The following TNFRSF8 variants were observed in gnomAD, a reference collection of about 807,000 sequenced individuals.
TNFRSF8 encodes the protein TNF receptor superfamily member 8.
TNFRSF8 carries 26 observed loss-of-function variants against 70.8 expected under a neutral mutation model. The ratio of observed to expected loss-of-function variants is 0.37; its 90% CI spans 0.27 to 0.51. The LOEUF (loss-of-function observed/expected upper bound fraction) is 0.51, where lower values mean the gene tolerates loss of function less well. Among genes scored for constraint, TNFRSF8 ranks in the 20% least tolerant of loss-of-function variants. The pLI, the probability that TNFRSF8 is intolerant of heterozygous loss-of-function variation, is 0.94. For missense variants in TNFRSF8, 720 were observed against 807.9 expected, an observed-to-expected ratio of 0.89 and a Z score of 1.32; for synonymous variants, 356 against 339.2, an observed-to-expected ratio of 1.05 and a Z score of -0.54.
At chr1:12,135,081 C>G (rs1303526677) in intron 12 of TNFRSF8, among the ~76,000 whole-genome samples, 2 of 151,926 alleles carry the variant, frequency 1.3e-5, no homozygotes, top group Non-Finnish European at 2.9e-5. Context: ...TTTGCAAGGC[C>G]AAGGCGGGCA....
chr1:12,111,349 T>G (rs1007409382), intron 6 of TNFRSF8, among the ~76,000 whole-genome samples: 6 of 151,964 alleles, frequency 3.9e-5, no homozygotes, highest in Non-Finnish European at 7.4e-5. Context: ...ATTTGGCTAC[T>G]TTTCTTTTTT....
intron 10 of TNFRSF8, among the ~76,000 whole-genome samples, chr1:12,124,484 C>G (rs560711762): frequency 2.0e-5 from 3 of 152,120 alleles, no homozygotes; most frequent in African/African-American, 7.2e-5. Flanking sequence ...TGGCAGAGAC[C>G]GTGCAGGGTT....
chr1:12,072,190 G>T (rs977294165), intron 1 of TNFRSF8, among the ~76,000 whole-genome samples: 2 of 152,182 alleles, frequency 1.3e-5, no homozygotes, highest in Non-Finnish European at 2.9e-5. Context: ...GAGTTAATAT[G>T]TGTCAAGTGC....
chr1:12,115,359 G>A (rs972821828), intron 7 of TNFRSF8, among the ~76,000 whole-genome samples: 1 of 152,146 alleles, frequency 6.6e-6, no homozygotes, highest in South Asian at 2.1e-4. Flanking sequence ...ATGTAAATGC[G>A]ACATACAGAA....
Position 12,088,652 on chromosome 1 carries a change from C to T in TNFRSF8, c.151+4101C>T, listed in dbSNP as rs1641194914. On this transcript the variant is annotated intron_variant, in intron 2 of 14. Coordinates refer to ENST00000263932, the MANE Select transcript of TNFRSF8 (RefSeq NM_001243.5). This position sits in a 1 kb window ranked among gnomAD's most constrained non-coding sequence, Gnocchi z 4.0. Reference sequence around the variant, plus strand: ...CTCTCCTGCAGATGTTTGAGGCCTGCCCAGGTTCAGGGGAAGGATGTGAGG... The same window carrying T: ...CTCTCCTGCAGATGTTTGAGGCCTGTCCAGGTTCAGGGGAAGGATGTGAGG... 6.6e-6 allele frequency among the ~76,000 whole-genome samples: 1 copy of T among 152,232 alleles called. No homozygotes were observed. The highest frequency in any genetic ancestry group is 1.5e-5 in the Non-Finnish European group (1 of 68,044).
intron 1 of TNFRSF8, among the ~76,000 whole-genome samples, chr1:12,071,256 TG>T (rs1245872246): frequency 1.3e-5 from 2 of 152,120 alleles, no homozygotes; most frequent in Non-Finnish European, 2.9e-5. Flanking sequence ...CTGGCCAACA[TG>T]GCGAAACCCT....
rs908364338 is a variant in TNFRSF8 at position 12,144,192 on chromosome 1, C to G, written c.*1661C>G. 1 of 152,248 alleles carries G rather than the reference C, an allele frequency of 6.6e-6. No homozygotes were observed. Among genetic ancestry groups the G allele is most frequent in the Non-Finnish European group, 1.5e-5 (1 of 68,052 alleles). The allele number at this position is 152,248 out of a possible 1,614,324, so 9.4% of individuals were successfully genotyped here. On this transcript the variant is annotated 3_prime_UTR_variant, in exon 15 of 15. Coordinates refer to ENST00000263932, the MANE Select transcript of TNFRSF8 (RefSeq NM_001243.5). ...TTGAATCTCTAAAAATCCATAAAAT[C>G]CTTAAAGAACTGTAAGGCTGAGGAC...
At position 12,142,015 on chromosome 1, in the gene TNFRSF8, G is replaced by A. The variant is rs1642261905; in HGVS notation, c.1544-272G>A. 1.3e-5 allele frequency among the ~76,000 whole-genome samples: 2 copies of A among 152,192 alleles called. No homozygotes were observed. Among genetic ancestry groups the A allele is most frequent in the Non-Finnish European group, 1.5e-5 (1 of 68,038 alleles). On this transcript the variant is annotated intron_variant, in intron 14 of 14. Transcript: ENST00000263932. This position sits in a 1 kb window ranked among gnomAD's most constrained non-coding sequence, Gnocchi z 5.0. Reference sequence around the variant, plus strand: ...CACAGTTTGCTTTCTGTCCCACCCTGTCCTCTTCTTCCCTACCCATCCGCA... The same window carrying A: ...CACAGTTTGCTTTCTGTCCCACCCTATCCTCTTCTTCCCTACCCATCCGCA...
intron 4 of TNFRSF8, among the ~76,000 whole-genome samples, chr1:12,107,566 A>G (rs898453992): frequency 1.9e-5 from 2 of 107,214 alleles, no homozygotes; most frequent in Non-Finnish European, 3.5e-5. Flanking sequence ...TACTGGGTTA[A>G]ATAATGAAAA....
chr1:12,122,209 A>G (rs1339711923), intron 8 of TNFRSF8, among the ~76,000 whole-genome samples: 1 of 152,018 alleles, frequency 6.6e-6, no homozygotes, highest in Non-Finnish European at 1.5e-5. Flanking sequence ...TTACTTATTA[A>G]AAATAGAGAC....
At chr1:12,070,061 C>T (rs1049550164) in intron 1 of TNFRSF8, among the ~76,000 whole-genome samples, 1 of 151,552 alleles carries the variant, frequency 6.6e-6, no homozygotes, top group Admixed American at 6.6e-5. Flanking sequence ...GGTGGTAGAT[C>T]GTGCAGACCT....
At chr1:12,078,529 A>G (rs897470768) in intron 1 of TNFRSF8, among the ~76,000 whole-genome samples, 3 of 152,266 alleles carry the variant, frequency 2.0e-5, no homozygotes, top group East Asian at 3.9e-4. Flanking sequence ...GCACCACTGC[A>G]CTCCAGCTTG....
At chr1:12,071,083 T>C (rs1455803846) in intron 1 of TNFRSF8, among the ~76,000 whole-genome samples, 2 of 152,234 alleles carry the variant, frequency 1.3e-5, no homozygotes, top group Non-Finnish European at 2.9e-5. Flanking sequence ...ATGCTAGTTT[T>C]CTTTTGCTGC....
In TNFRSF8 at chr1:12,137,497, T is replaced by TA. The variant is rs1041027493; in HGVS notation, c.1336-727dup. Among the ~76,000 whole-genome samples the TA allele has an allele frequency of 1.5e-4, 22 of 151,614 alleles. No homozygotes were observed. The Middle Eastern group carries it at 0.01, about 71-fold the overall frequency. On this transcript the variant is annotated intron_variant, in intron 13 of 14. Coordinates refer to ENST00000263932, the MANE Select transcript of TNFRSF8 (RefSeq NM_001243.5). ...GAGGCCACTTCTTTGCCCTTACCTGTAAAAATCAAAAACTAAACTGACACT... is the reference window on the plus strand; with the variant it reads ...GAGGCCACTTCTTTGCCCTTACCTGTAAAAAATCAAAAACTAAACTGACACT...
chr1:12,069,735 G>A (rs996702980), intron 1 of TNFRSF8, among the ~76,000 whole-genome samples: 1 of 152,208 alleles, frequency 6.6e-6, no homozygotes, highest in African/African-American at 2.4e-5. Context: ...TCCATGCACC[G>A]CATAGCAGGG....
intron 1 of TNFRSF8, among the ~76,000 whole-genome samples, chr1:12,068,913 C>T (rs973971003): frequency 6.6e-6 from 1 of 151,750 alleles, no homozygotes; most frequent in Non-Finnish European, 1.5e-5. Flanking sequence ...TCTCTGTCAC[C>T]CAGGCTGGAG....
intron 4 of TNFRSF8, among the ~76,000 whole-genome samples, chr1:12,106,826 C>T (rs1216227814): frequency 6.6e-6 from 1 of 152,206 alleles, no homozygotes; most frequent in Non-Finnish European, 1.5e-5. Flanking sequence ...ACCTCGGTCT[C>T]CCCATCTCTC....
chr1:12,103,966 C>CGTGG (rs1277239477), intron 3 of TNFRSF8, among the ~76,000 whole-genome samples: 1 of 152,184 alleles, frequency 6.6e-6, no homozygotes, highest in Non-Finnish European at 1.5e-5. Flanking sequence ...CCACCATCAC[C>CGTGG]GTGGCATCCA....
rs1641672820 is a variant in TNFRSF8 at position 12,113,638 on chromosome 1, A to G, written c.793+1624A>G. Reference sequence around the variant, plus strand: ...GACAGAAAGAGGGAGAGAGAGAGACAGAAAGAGAAAGAGACGGAGTGAGCG... The same window carrying G: ...GACAGAAAGAGGGAGAGAGAGAGACGGAAAGAGAAAGAGACGGAGTGAGCG... On this transcript the variant is annotated intron_variant, in intron 7 of 14. Coordinates refer to ENST00000263932, the MANE Select transcript of TNFRSF8 (RefSeq NM_001243.5). This position sits in a 1 kb window ranked among gnomAD's most constrained non-coding sequence, Gnocchi z 4.9. 6.6e-6 allele frequency among the ~76,000 whole-genome samples: 1 copy of G among 151,696 alleles called. No individual in the cohort carries two copies. Among genetic ancestry groups the G allele is most frequent in the South Asian group, 2.1e-4 (1 of 4,784 alleles).
Sources: allele counts gnomAD v4.1 joint callset (sites outside exome capture counted in the v4.1 genomes callset), GRCh38; gene constraint gnomAD v4.1.1; non-coding constraint Gnocchi (gnomAD v3.1); transcripts MANE v1.5; gene names NCBI Gene and HGNC (gene_info 2026-07-23, HGNC 2026-07-21).